ZFHX3: variants seen among roughly 807,000 people sequenced by gnomAD.
The protein encoded by ZFHX3 is zinc finger homeobox 3.
A neutral mutation model predicts 279.1 loss-of-function variants in ZFHX3; 42 were observed. The observed-to-expected ratio is 0.15, with a 90% CI of 0.12 to 0.19. The LOEUF (loss-of-function observed/expected upper bound fraction) is 0.19. Among genes scored for constraint, ZFHX3 ranks in the 10% least tolerant of loss-of-function variants. The pLI is 1.00. For missense variants in ZFHX3, 4,981 were observed against 4,754.0 expected (o/e 1.05, Z -1.40); for synonymous variants, 2,293 against 1,957.8 (o/e 1.17, Z -4.52).
chr16:73,589,596 G>T (rs979389560), intron 2 of ZFHX3, among the ~76,000 whole-genome samples: 2 of 151,308 alleles, frequency 1.3e-5, no homozygotes, highest in African/African-American at 4.8e-5. Flanking sequence ...TGGGCATGGT[G>T]GTGGGTGCCT....
intron 5 of ZFHX3, among the ~76,000 whole-genome samples, chr16:73,175,405 A>AAACAAACAAAC (rs1555502728): frequency 1.2e-4 from 16 of 138,864 alleles, no homozygotes; most frequent in African/African-American, 4.3e-4. Flanking sequence ...AACAAACAAA[A>AAACAAACAAAC]AAACCACTGG....
rs1567451240 is a variant in ZFHX3 at position 73,325,928 on chromosome 16, A to ACACAAAAACACAC, written c.-1290-7593_-1290-7592insGTGTGTTTTTGTG. Among the ~76,000 whole-genome samples, 1,381 of 145,570 alleles carry ACACAAAAACACAC rather than the reference A, an allele frequency of 9.5e-3. 15 individuals are homozygous for ACACAAAAACACAC. Among genetic ancestry groups the ACACAAAAACACAC allele is most frequent in the Non-Finnish European group, 0.015 (998 of 66,144 alleles). On this transcript the variant is annotated intron_variant, in intron 3 of 17. Coordinates refer to the ZFHX3 transcript ENST00000641206. ...ACACACACACACACACACACACACA[A>ACACAAAAACACAC]ACACACACACACACACACACACAGG...
At chr16:73,546,276 C>T (rs2020106665) in intron 2 of ZFHX3, among the ~76,000 whole-genome samples, 1 of 152,042 alleles carries the variant, frequency 6.6e-6, no homozygotes, top group Admixed American at 6.5e-5. Flanking sequence ...TTTTTCCCCT[C>T]GATTTATTAA....
chr16:73,332,423 A>G lies in ZFHX3; in HGVS notation c.-1290-14087T>C, dbSNP rs543850210. Among the ~76,000 whole-genome samples the G allele has an allele frequency of 1.6e-4, 25 of 152,340 alleles. No individual in the cohort carries two copies. The South Asian group carries it at 4.3e-3, about 27-fold the overall frequency. On this transcript the variant is annotated intron_variant, in intron 3 of 17. Transcript: ENST00000641206. ...GGATGTCAGGATGCCCAACTTGGCC[A>G]TGTCCACTAGCTGCACATGTTTCTG...
intron 5 of ZFHX3, among the ~76,000 whole-genome samples, chr16:73,241,811 A>AAC (rs1555505758): frequency 6.6e-6 from 1 of 150,894 alleles, no homozygotes; most frequent in African/African-American, 2.4e-5. Flanking sequence ...AAAAAAAAAA[A>AAC]AAAAGGAGTG....
intron 3 of ZFHX3, among the ~76,000 whole-genome samples, chr16:72,915,601 A>AT (rs1006131530): frequency 2.1e-4 from 30 of 145,130 alleles, no homozygotes; most frequent in African/African-American, 7.0e-4. Context: ...TCTACAAAAA[A>AT]TAAAAAAAAT....
chr16:73,290,251 G>A (rs142430587), intron 4 of ZFHX3, among the ~76,000 whole-genome samples: 188 of 152,150 alleles, frequency 1.2e-3, no homozygotes, highest in African/African-American at 4.0e-3. Flanking sequence ...CTAACCAAAC[G>A]ATGGGAAGTG....
At chr16:73,038,997 G>C (rs1965013037) in intron 1 of ZFHX3, among the ~76,000 whole-genome samples, 1 of 151,414 alleles carries the variant, frequency 6.6e-6, no homozygotes, top group African/African-American at 2.4e-5. Flanking sequence ...ACAAGGTCTT[G>C]CCATGTTGCT....
intron 4 of ZFHX3, among the ~76,000 whole-genome samples, chr16:73,313,064 G>T (rs746404312): frequency 5.9e-5 from 9 of 152,102 alleles, no homozygotes; most frequent in Non-Finnish European, 1.2e-4. Flanking sequence ...GGATCATGGG[G>T]GCAGATTTCC....
At chr16:73,602,665 G>A (rs574541758) in intron 2 of ZFHX3, among the ~76,000 whole-genome samples, 19 of 152,064 alleles carry the variant, frequency 1.2e-4, no homozygotes, top group African/African-American at 3.9e-4. Context: ...TTATCATCTC[G>A]GCTAGGCGCG....
At chr16:72,848,989 A>C (rs1373279473) in intron 4 of ZFHX3, among the ~76,000 whole-genome samples, 1 of 151,998 alleles carries the variant, frequency 6.6e-6, no homozygotes, top group Non-Finnish European at 1.5e-5. Flanking sequence ...ACCAGGGGGG[A>C]AGGAAAAAGG....
chr16:73,409,177 T>C (rs2143455041), intron 3 of ZFHX3, among the ~76,000 whole-genome samples: 1 of 152,290 alleles, frequency 6.6e-6, no homozygotes, highest in East Asian at 1.9e-4. Flanking sequence ...AGCACCAAGG[T>C]ACAGCATTGC....
chr16:73,285,397 A>C (rs991398601), intron 4 of ZFHX3, among the ~76,000 whole-genome samples: 1 of 152,186 alleles, frequency 6.6e-6, no homozygotes, highest in African/African-American at 2.4e-5. Context: ...TTAAATGCTA[A>C]AAGTGGCATG....
chr16:73,139,528 A>G (rs1020305963), intron 6 of ZFHX3, among the ~76,000 whole-genome samples: 1 of 152,210 alleles, frequency 6.6e-6, no homozygotes, highest in Non-Finnish European at 1.5e-5. Flanking sequence ...TATATTTGAG[A>G]GAAAAAAAGA....
intron 1 of ZFHX3, among the ~76,000 whole-genome samples, chr16:73,691,597 T>C (rs2053150574): frequency 1.3e-5 from 2 of 152,216 alleles, no homozygotes; most frequent in African/African-American, 4.8e-5. Context: ...CGATAATCGA[T>C]ATCATATAAT....
intron 2 of ZFHX3, among the ~76,000 whole-genome samples, chr16:73,601,557 T>C (rs959150745): frequency 6.6e-6 from 1 of 152,142 alleles, no homozygotes; most frequent in Non-Finnish European, 1.5e-5. Context: ...TAAAACTCAT[T>C]GAGGGCAGAA....
chr16:72,835,264 C>T (rs769863238), intron 4 of ZFHX3, among the ~76,000 whole-genome samples: 4 of 152,284 alleles, frequency 2.6e-5, no homozygotes, highest in Middle Eastern at 3.4e-3. Flanking sequence ...AAATATTTAG[C>T]AGTGGCTTGG....
At chr16:73,495,384 T>C (rs2019125502) in intron 2 of ZFHX3, among the ~76,000 whole-genome samples, 1 of 152,206 alleles carries the variant, frequency 6.6e-6, no homozygotes, top group African/African-American at 2.4e-5. Flanking sequence ...ATCTAGGAGT[T>C]GGATGCAAAC....
At chr16:73,496,624 G>A (rs2019146734) in intron 2 of ZFHX3, among the ~76,000 whole-genome samples, 1 of 152,236 alleles carries the variant, frequency 6.6e-6, no homozygotes, top group Non-Finnish European at 1.5e-5. Context: ...CGAAGGATGG[G>A]TAAGGAAGTT....
Sources: gnomAD v4.1 joint callset for allele counts (sites outside exome capture counted in the v4.1 genomes callset) on GRCh38, gnomAD v4.1.1 for gene constraint, MANE v1.5 for transcripts, NCBI Gene and HGNC (gene_info 2026-07-23, HGNC 2026-07-21) for gene names.